The following FRMD4A variants were observed in gnomAD, a reference collection of about 807,000 sequenced individuals.
FRMD4A encodes the protein FERM domain-containing protein 4A.
In FRMD4A, 29 loss-of-function variants were observed where a neutral mutation model predicts 129.1. That is an observed-to-expected ratio of 0.22 (90% CI 0.17 to 0.31). The LOEUF is 0.31. Ranked by LOEUF, FRMD4A falls within the 10% of genes least tolerant of loss-of-function variation. The probability of loss-of-function intolerance (pLI) is 1.00; values close to 1 mark genes in which losing one functional copy is unlikely to be tolerated. For synonymous variants in FRMD4A, 634 were observed against 571.6 expected (o/e 1.11, Z -1.56); for missense variants, 1,272 against 1,375.8 (o/e 0.92, Z 1.19).
intron 2 of FRMD4A, among the ~76,000 whole-genome samples, chr10:14,265,047 G>T (rs1355141616): frequency 1.3e-5 from 2 of 152,170 alleles, no homozygotes; most frequent in African/African-American, 4.8e-5. Context: ...CTCCCAAAGT[G>T]CTGGGATTAC....
intron 24 of FRMD4A, among the ~76,000 whole-genome samples, chr10:13,650,668 CCCTGTCCTAATTG>C (rs2081501064): frequency 6.6e-6 from 1 of 152,170 alleles, no homozygotes; most frequent in Admixed American, 6.5e-5. Flanking sequence ...AAGCCTAAGT[CCCTGTCCTAATTG>C]CCCATCTGTC....
chr10:14,193,877 G>A lies in FRMD4A; in HGVS notation c.45+136181C>T, dbSNP rs1842394619. On this transcript the variant is annotated intron_variant, in intron 2 of 24. Coordinates refer to ENST00000357447, the MANE Select transcript of FRMD4A (RefSeq NM_018027.5). ...CTTCTTGGTCCCTAAAAGGTTCTGT[G>A]GTGAACACTGATCCATCCCAACCCA... Among the ~76,000 whole-genome samples, 3 of 152,052 alleles carry A rather than the reference G, an allele frequency of 2.0e-5. No individual in the cohort carries two copies. The South Asian group carries it at 6.2e-4, about 32-fold the overall frequency.
intron 2 of FRMD4A, among the ~76,000 whole-genome samples, chr10:14,100,293 C>A (rs1158546683): frequency 6.6e-6 from 1 of 152,132 alleles, no homozygotes; most frequent in Non-Finnish European, 1.5e-5. Context: ...TCAAAGAATT[C>A]ATTATAAATA....
intron 8 of FRMD4A, among the ~76,000 whole-genome samples, chr10:13,752,145 G>T (rs938720914): frequency 2.0e-5 from 3 of 152,132 alleles, no homozygotes; most frequent in Non-Finnish European, 4.4e-5. Context: ...AAAACTCTCC[G>T]GCAGTTATTA....
intron 9 of FRMD4A, among the ~76,000 whole-genome samples, chr10:13,747,368 C>T (rs918419622): frequency 1.3e-5 from 2 of 151,500 alleles, no homozygotes; most frequent in Admixed American, 6.6e-5. Flanking sequence ...GAAACCCGGT[C>T]TCTACTAAAA....
Position 13,714,170 on chromosome 10 carries a change from C to T in FRMD4A, c.760-7057G>A, listed in dbSNP as rs7909903. On this transcript the variant is annotated intron_variant, in intron 12 of 24. Coordinates refer to ENST00000357447, the MANE Select transcript of FRMD4A (RefSeq NM_018027.5). ...TGCTGCCTCCCGGGTTCAAGTGATT[C>T]TCTTGTCTCAGCCTCCCAAGTAGCT... 6.8e-4 allele frequency among the ~76,000 whole-genome samples: 102 copies of T among 149,420 alleles called. 1 individual carries two copies. The highest frequency in any genetic ancestry group is 1.3e-3 in the Non-Finnish European group (87 of 67,580).
At chr10:13,707,621 C>T in intron 12 of FRMD4A, 3 of 988,820 alleles carry the variant, frequency 3.0e-6, no homozygotes, top group Non-Finnish European at 3.6e-6. Flanking sequence ...TCCCAGCCTC[C>T]CATCGGGACT....
intron 2 of FRMD4A, among the ~76,000 whole-genome samples, chr10:13,881,311 T>C (rs1404577936): frequency 2.0e-5 from 3 of 148,534 alleles, no homozygotes; most frequent in Non-Finnish European, 4.5e-5. Context: ...TAGTTCCAGG[T>C]ACTGGGGAGG....
chr10:14,022,210 G>A (rs1319882171), intron 2 of FRMD4A, among the ~76,000 whole-genome samples: 25 of 152,148 alleles, frequency 1.6e-4, no homozygotes, highest in African/African-American at 1.7e-4. Flanking sequence ...GAGGAAGTGC[G>A]ACAGAAATCC....
rs144479835 is a variant in FRMD4A at position 13,659,424 on chromosome 10, C to G, written c.1965G>C (p.Gln655His). The G allele has an allele frequency of 6.2e-7, 1 of 1,614,020 alleles. No individual in the cohort carries two copies. Among genetic ancestry groups the G allele is most frequent in the African/African-American group, 1.3e-5 (1 of 75,062 alleles). ...AEAGGGSNSLQNSPIRGLPHW... is the reference protein window; with the variant it reads ...AEAGGGSNSLHNSPIRGLPHW... ...GCGGGAGGCCGCGGATGGGGCTGTT[C>G]TGCAAGGAGTTGCTTCCTCCGCCGG... Residue 655 changes from glutamine to histidine, a missense_variant, in exon 21 of 25, where the codon CAG (glutamine) becomes CAC (histidine). Transcript: ENST00000357447.
intron 2 of FRMD4A, chr10:14,097,223 A>G (rs1250432778): frequency 6.6e-6 from 1 of 150,654 alleles, no homozygotes; most frequent in African/African-American, 2.4e-5. Flanking sequence ...TATGCTATGG[A>G]TTCTCTATCT....
intron 16 of FRMD4A, 68 bp from the exon 17 acceptor site, chr10:13,670,596 C>A: frequency 6.6e-7 from 1 of 1,519,386 alleles, no homozygotes; most frequent in South Asian, 1.1e-5. Flanking sequence ...TCCTAGAACA[C>A]ACACACACGC....
At chr10:14,268,696 C>T (rs77236472) in intron 2 of FRMD4A, among the ~76,000 whole-genome samples, 9,736 of 152,212 alleles carry the variant, frequency 0.064, 390 homozygotes, top group Non-Finnish European at 0.089. Flanking sequence ...TATGGAAACA[C>T]GAAGCTTGGG....
intron 2 of FRMD4A, among the ~76,000 whole-genome samples, chr10:13,899,419 CTTTAA>C (rs1426362715): frequency 3.3e-5 from 5 of 152,066 alleles, no homozygotes; most frequent in Non-Finnish European, 7.3e-5. Flanking sequence ...GCTTTCCAAA[CTTTAA>C]TTTAATCATC....
chr10:13,676,593 C>G (rs924967486), intron 15 of FRMD4A, among the ~76,000 whole-genome samples: 4 of 152,118 alleles, frequency 2.6e-5, no homozygotes, highest in African/African-American at 7.2e-5. Flanking sequence ...CTTTTCTTTG[C>G]AAGCCCATCG....
chr10:13,706,894 A>G (rs893869617), intron 13 of FRMD4A, 143 bp downstream of exon 13: 1 of 601,904 alleles, frequency 1.7e-6, no homozygotes, highest in African/African-American at 1.9e-5. Flanking sequence ...TCACTGTCTG[A>G]TTTGAGCTCC....
At chr10:14,003,217 G>A (rs931144747) in intron 2 of FRMD4A, among the ~76,000 whole-genome samples, 1 of 152,156 alleles carries the variant, frequency 6.6e-6, no homozygotes, top group African/African-American at 2.4e-5. Context: ...GGGGAGAGAC[G>A]TTTCAGAGCT....
chr10:14,329,750 T>C (rs1843437290), intron 2 of FRMD4A, among the ~76,000 whole-genome samples: 2 of 152,126 alleles, frequency 1.3e-5, no homozygotes, highest in African/African-American at 4.8e-5. Flanking sequence ...GGGGAAAGGA[T>C]GCTGGGAGCT....
intron 2 of FRMD4A, among the ~76,000 whole-genome samples, chr10:14,049,529 A>G (rs1380302738): frequency 6.6e-6 from 1 of 152,208 alleles, no homozygotes; most frequent in Non-Finnish European, 1.5e-5. Flanking sequence ...ATAATTCATA[A>G]TGTCGTAAAG....
Sources: allele counts gnomAD v4.1 joint callset (sites outside exome capture counted in the v4.1 genomes callset), GRCh38; gene constraint gnomAD v4.1.1; transcripts MANE v1.5; gene names NCBI Gene and HGNC (gene_info 2026-07-23, HGNC 2026-07-21).